TLN2: variants seen among roughly 807,000 people sequenced by gnomAD.
TLN2 encodes the protein talin-2.
Under a neutral mutation model 294.7 loss-of-function variants are expected in TLN2, and 118 were observed. The ratio of observed to expected loss-of-function variants is 0.40; its 90% CI spans 0.34 to 0.47. TLN2 has a LOEUF of 0.47. Ranked by LOEUF, TLN2 falls within the 20% of genes least tolerant of loss-of-function variation. The probability of loss-of-function intolerance (pLI) is 0.84; values close to 1 mark genes in which losing one functional copy is unlikely to be tolerated. For missense variants in TLN2, 3,083 were observed against 3,282.2 expected (o/e 0.94, Z 1.48); for synonymous variants, 1,431 against 1,304.5 (o/e 1.10, Z -2.09).
chr15:62,812,636 C>T (rs1469978502), intron 52 of TLN2, among the ~76,000 whole-genome samples: 1 of 152,180 alleles, frequency 6.6e-6, no homozygotes, highest in African/African-American at 2.4e-5. Flanking sequence ...AGGGTCACTT[C>T]CCTGACTGCA....
chr15:62,817,128 C>G (rs1024639147), intron 52 of TLN2, among the ~76,000 whole-genome samples: 1 of 147,612 alleles, frequency 6.8e-6, no homozygotes, highest in Non-Finnish European at 1.5e-5. Context: ...TACACAGGTA[C>G]ATTGATATTG....
rs572415222 is a variant in TLN2, at chr15:62,460,939, GTTTAT to G, written c.-238+70273_-238+70277del. On this transcript the variant is annotated intron_variant, in intron 1 of 58. Transcript: ENST00000636159. ...CTTAGTTTTGCTTGTGTGTGTGTGT[GTTTAT>G]TTTATTTTATTTTATTTTTAAGACA... 4.3e-3 allele frequency among the ~76,000 whole-genome samples: 647 copies of G among 151,770 alleles called. 8 individuals carry two copies. The highest frequency in any genetic ancestry group is 0.015 in the African/African-American group (605 of 41,408).
chr15:62,562,663 A>C (rs754671899), intron 1 of TLN2, among the ~76,000 whole-genome samples: 2 of 151,550 alleles, frequency 1.3e-5, no homozygotes, highest in Non-Finnish European at 2.9e-5. Context: ...TATACAGTGA[A>C]CCCAATTTGT....
chr15:62,618,258 C>T (rs1284692015), intron 2 of TLN2, 93 bp from the exon 3 acceptor site: 1 of 152,192 alleles, frequency 6.6e-6, no homozygotes, highest in East Asian at 1.9e-4. Context: ...TTTAGGTATT[C>T]TGTTCAACTT....
intron 54 of TLN2, chr15:62,823,809 A>G: frequency 2.5e-6 from 1 of 396,162 alleles, no homozygotes; most frequent in South Asian, 1.9e-5. Flanking sequence ...TGCTGACAGT[A>G]TTGTTAATGG....
At chr15:62,458,751 A>G (rs543677368) in intron 1 of TLN2, among the ~76,000 whole-genome samples, 18 of 152,128 alleles carry the variant, frequency 1.2e-4, no homozygotes, top group Non-Finnish European at 1.5e-5. Flanking sequence ...CCTGGGCAAC[A>G]TAACGAGACT....
chr15:62,833,729 C>G, intron 55 of TLN2, 100 bp downstream of exon 55: 1 of 1,486,872 alleles, frequency 6.7e-7, no homozygotes, highest in Non-Finnish European at 8.9e-7. Flanking sequence ...CAAGGAAACA[C>G]ATGCAGTGCC....
At chr15:62,556,115 T>C (rs1261432732) in intron 1 of TLN2, among the ~76,000 whole-genome samples, 1 of 151,932 alleles carries the variant, frequency 6.6e-6, no homozygotes, top group Non-Finnish European at 1.5e-5. Flanking sequence ...GTTCTCTCCA[T>C]TATTGTATCT....
chr15:62,539,001 A>AT (rs1235493169), intron 1 of TLN2, among the ~76,000 whole-genome samples: 12 of 152,092 alleles, frequency 7.9e-5, no homozygotes, highest in Non-Finnish European at 1.5e-4. Context: ...CTGGTAGGGG[A>AT]TTTAGGAGAT....
chr15:62,562,589 G>C (rs1373260691), intron 1 of TLN2, among the ~76,000 whole-genome samples: 3 of 151,588 alleles, frequency 2.0e-5, no homozygotes, highest in South Asian at 2.1e-4. Flanking sequence ...GGTGGTGTTT[G>C]GTTACATGAA....
Position 62,643,405 on chromosome 15 carries a change from A to ATTTT in TLN2, c.-36-3838_-36-3835dup, listed in dbSNP as rs571288380. ...TAAGAATGATTAGTTTGGTTCCAGG[A>ATTTT]TTTTTTTTTTTTTTTTTTTTTTTTT... On this transcript the variant is annotated intron_variant, in intron 3 of 58. Coordinates refer to ENST00000636159, the MANE Select transcript of TLN2 (RefSeq NM_015059.3). Among the ~76,000 whole-genome samples the ATTTT allele has an allele frequency of 3.5e-4, 32 of 90,726 alleles. 1 individual carries two copies. Among genetic ancestry groups the ATTTT allele is most frequent in the African/African-American group, 1.3e-3 (24 of 18,652 alleles). 59.5% of individuals were successfully genotyped at this position (90,726 alleles called of 152,430 possible).
chr15:62,391,349 G>C (rs773534309), intron 1 of TLN2, among the ~76,000 whole-genome samples: 15 of 152,322 alleles, frequency 9.8e-5, no homozygotes, highest in Non-Finnish European at 1.6e-4. Context: ...GGGCAGTGCC[G>C]GGCCGAGAGC....
rs543214453 is a variant in TLN2 at position 62,575,265 on chromosome 15, A to G, written c.-237-14422A>G. Among the ~76,000 whole-genome samples, 47 of 152,360 alleles carry G rather than the reference A, an allele frequency of 3.1e-4. 2 individuals carry two copies. The South Asian group carries it at 8.1e-3, about 26-fold the overall frequency. On this transcript the variant is annotated intron_variant, in intron 1 of 58. Coordinates refer to ENST00000636159, the MANE Select transcript of TLN2 (RefSeq NM_015059.3). The stretch of plus-strand genomic sequence containing the variant: ...AGCCTTGGAGGTTGAGCCTGTAGTG[A>G]GCCGAGATTGTGCCATAGCACTCCA...
chr15:62,552,734 T>C (rs1047977211), intron 1 of TLN2, among the ~76,000 whole-genome samples: 6 of 152,334 alleles, frequency 3.9e-5, no homozygotes, highest in African/African-American at 1.2e-4. Context: ...TGTTAGTGAA[T>C]TGACAATATA....
chr15:62,830,939 T>C (rs1324584785), intron 54 of TLN2: 2 of 150,554 alleles, frequency 1.3e-5, no homozygotes, highest in South Asian at 2.1e-4. Context: ...GGAAGAAAAA[T>C]AAAAATTCGT....
chr15:62,794,421 A>G (rs1481367605), intron 46 of TLN2, among the ~76,000 whole-genome samples: 1 of 152,094 alleles, frequency 6.6e-6, no homozygotes, highest in Non-Finnish European at 1.5e-5. Context: ...TACTCAGTAA[A>G]CACCTGCTGG....
chr15:62,627,775 C>CT (rs1254926578), intron 3 of TLN2, among the ~76,000 whole-genome samples: 12 of 151,838 alleles, frequency 7.9e-5, no homozygotes, highest in African/African-American at 2.4e-4. Flanking sequence ...CTAAATTTTC[C>CT]TTTTTTTTCT....
intron 1 of TLN2, among the ~76,000 whole-genome samples, chr15:62,478,141 G>A (rs2140376644): frequency 6.6e-6 from 1 of 152,266 alleles, no homozygotes; most frequent in East Asian, 1.9e-4. Flanking sequence ...CCAGGAGGCA[G>A]GTGCAGCCTC....
At chr15:62,716,843 G>T (rs1201871619) in intron 23 of TLN2, among the ~76,000 whole-genome samples, 2 of 152,090 alleles carry the variant, frequency 1.3e-5, no homozygotes, top group African/African-American at 4.8e-5. Context: ...GATTAGGCTT[G>T]GGTGGATAGG....
Sources: allele counts gnomAD v4.1 joint callset (sites outside exome capture counted in the v4.1 genomes callset), GRCh38; gene constraint gnomAD v4.1.1; transcripts MANE v1.5; gene names NCBI Gene and HGNC (gene_info 2026-07-23, HGNC 2026-07-21).